The following WDR70 variants were observed in gnomAD, a reference collection of about 807,000 sequenced individuals.
WDR70 encodes WD repeat domain 70, also known as WD repeat-containing protein 70.
A neutral mutation model predicts 88.6 loss-of-function variants in WDR70; 53 were observed. The observed-to-expected ratio is 0.60, with a 90% CI of 0.48 to 0.75. The LOEUF (loss-of-function observed/expected upper bound fraction) is 0.75. WDR70 is among the 30% of genes least tolerant of loss of function. The pLI is 0.00. For missense variants in WDR70, 610 were observed against 823.2 expected, an observed-to-expected ratio of 0.74 and a Z score of 3.17; for synonymous variants, 280 against 270.0, an observed-to-expected ratio of 1.04 and a Z score of -0.36.
At chr5:37,635,057 G>A (rs914238568) in intron 10 of WDR70, among the ~76,000 whole-genome samples, 7 of 152,136 alleles carry the variant, frequency 4.6e-5, no homozygotes, top group Non-Finnish European at 1.5e-5. Flanking sequence ...CCTCACTGAG[G>A]TCTGATTTTT....
intron 9 of WDR70, among the ~76,000 whole-genome samples, chr5:37,529,747 T>A (rs906906930): frequency 2.0e-5 from 3 of 152,092 alleles, no homozygotes; most frequent in African/African-American, 7.2e-5. Flanking sequence ...GGTTTTCTAT[T>A]ATGTGATGAT....
At chr5:37,544,149 GCC>G (rs780604310) in intron 9 of WDR70, among the ~76,000 whole-genome samples, 1 of 152,096 alleles carries the variant, frequency 6.6e-6, no homozygotes, top group Non-Finnish European at 1.5e-5. Context: ...GATTATGAGA[GCC>G]CAGTGGTCAG....
At chr5:37,420,205 T>G (rs1479000297) in intron 5 of WDR70, among the ~76,000 whole-genome samples, 1 of 151,868 alleles carries the variant, frequency 6.6e-6, no homozygotes. Context: ...CAAAATAAAT[T>G]AATAAATAAA....
intron 10 of WDR70, among the ~76,000 whole-genome samples, chr5:37,682,779 A>T (rs895773514): frequency 1.3e-5 from 2 of 152,134 alleles, no homozygotes; most frequent in African/African-American, 4.8e-5. Flanking sequence ...TCAGTGGTCC[A>T]AGAGAGTGGT....
intron 8 of WDR70, among the ~76,000 whole-genome samples, chr5:37,494,364 G>A (rs1740154223): frequency 6.6e-6 from 1 of 152,178 alleles, no homozygotes; most frequent in African/African-American, 2.4e-5. Context: ...GCTACAAAAT[G>A]TAAATTTGTA....
chr5:37,721,239 T>G (rs1410251483), intron 14 of WDR70, 24 bp downstream of exon 14: 2 of 1,603,140 alleles, frequency 1.2e-6, no homozygotes, highest in Non-Finnish European at 1.7e-6. Flanking sequence ...ATTGCCTGTT[T>G]TAGATGGATG....
chr5:37,527,102 A>C (rs1379939737), intron 9 of WDR70, among the ~76,000 whole-genome samples: 1 of 152,006 alleles, frequency 6.6e-6, no homozygotes, highest in African/African-American at 2.4e-5. Flanking sequence ...GCTACCAATG[A>C]CTTTCTTCAC....
At chr5:37,437,643 A>G (rs1750508190) in intron 5 of WDR70, among the ~76,000 whole-genome samples, 1 of 152,164 alleles carries the variant, frequency 6.6e-6, no homozygotes, top group Non-Finnish European at 1.5e-5. Flanking sequence ...TAAAATTTCA[A>G]TTTATGTTGA....
At chr5:37,564,839 T>A (rs1265894818) in intron 9 of WDR70, among the ~76,000 whole-genome samples, 1 of 152,198 alleles carries the variant, frequency 6.6e-6, no homozygotes, top group Non-Finnish European at 1.5e-5. Flanking sequence ...AGCCTTTTTT[T>A]AAGAAACCTT....
chr5:37,493,880 G>A (rs1422540516), intron 8 of WDR70, among the ~76,000 whole-genome samples: 8 of 149,588 alleles, frequency 5.3e-5, no homozygotes, highest in East Asian at 1.9e-4. Context: ...GCGCAGTGGC[G>A]TGATCTCTGC....
intron 10 of WDR70, among the ~76,000 whole-genome samples, chr5:37,627,397 C>A (rs182915898): frequency 1.1e-4 from 16 of 152,304 alleles, no homozygotes; most frequent in African/African-American, 3.1e-4. Context: ...GCATGAGCTA[C>A]CATGCCAGGC....
At chr5:37,471,190 G>T (rs965543076) in intron 7 of WDR70, among the ~76,000 whole-genome samples, 4 of 152,094 alleles carry the variant, frequency 2.6e-5, no homozygotes, top group Non-Finnish European at 5.9e-5. Flanking sequence ...CCATTAGCAG[G>T]TATTTCTAAT....
intron 8 of WDR70, among the ~76,000 whole-genome samples, chr5:37,514,549 C>A (rs1010581132): frequency 1.3e-5 from 2 of 151,210 alleles, no homozygotes; most frequent in African/African-American, 4.9e-5. Flanking sequence ...TTCCTTCCAC[C>A]CTGCACCCCC....
At position 37,392,178 on chromosome 5, in the gene WDR70, T is replaced by G. The variant is rs1311461574; in HGVS notation, c.296+58T>G. 12 of 355,628 alleles carry G rather than the reference T, an allele frequency of 3.4e-5. No homozygotes were observed. The East Asian group carries it at 8.1e-4, about 24-fold the overall frequency. 22.0% of individuals were successfully genotyped at this position (355,628 alleles called of 1,614,324 possible). A position where few individuals can be genotyped will look rare whatever the true frequency, so the allele number is the denominator to read the frequency against. ...TATCAGTTTCTAGGTGTTTATAGAGTTTTTTTTTTTTTTTTTAATTTTTTT... is the reference window on the plus strand; with the variant it reads ...TATCAGTTTCTAGGTGTTTATAGAGGTTTTTTTTTTTTTTTTAATTTTTTT... On this transcript the variant is annotated intron_variant, in intron 4 of 17. Transcript: ENST00000265107.
At chr5:37,619,411 A>T (rs889300547) in intron 10 of WDR70, among the ~76,000 whole-genome samples, 1 of 152,192 alleles carries the variant, frequency 6.6e-6, no homozygotes, top group African/African-American at 2.4e-5. Flanking sequence ...TATATAAGGG[A>T]TGCCTCTCTC....
chr5:37,751,752 A>T (rs1748820856), intron 17 of WDR70, among the ~76,000 whole-genome samples: 1 of 152,224 alleles, frequency 6.6e-6, no homozygotes, highest in Non-Finnish European at 1.5e-5. Context: ...CAGACATTAT[A>T]ACCACTTGAC....
chr5:37,548,989 T>A (rs1035249452), intron 9 of WDR70, among the ~76,000 whole-genome samples: 2 of 152,152 alleles, frequency 1.3e-5, no homozygotes, highest in Non-Finnish European at 2.9e-5. Flanking sequence ...CTATTCTGTT[T>A]TATCGGTCTG....
At chr5:37,565,611 A>G (rs1742714764) in intron 9 of WDR70, among the ~76,000 whole-genome samples, 1 of 152,104 alleles carries the variant, frequency 6.6e-6, no homozygotes, top group South Asian at 2.1e-4. Context: ...GAAATTACTT[A>G]TGTTGTCTGT....
chr5:37,709,314 A>G (rs1747444767), intron 13 of WDR70, among the ~76,000 whole-genome samples: 1 of 152,220 alleles, frequency 6.6e-6, no homozygotes, highest in African/African-American at 2.4e-5. Flanking sequence ...TTTGAATAAC[A>G]TGATATCAGC....
Sources: allele counts gnomAD v4.1 joint callset (sites outside exome capture counted in the v4.1 genomes callset), GRCh38; gene constraint gnomAD v4.1.1; transcripts MANE v1.5; gene names NCBI Gene and HGNC (gene_info 2026-07-23, HGNC 2026-07-21).